Variants in SUMF1 observed in about 807,000 individuals in gnomAD.
SUMF1 encodes the protein sulfatase modifying factor 1.
In SUMF1, 48 loss-of-function variants were observed where a neutral mutation model predicts 47.6. That is an observed-to-expected ratio of 1.01 (90% CI 0.80 to 1.28). The LOEUF is 1.28. Among genes scored for constraint, SUMF1 ranks in the 50% most tolerant of loss-of-function variants. The pLI is 0.00. For missense variants in SUMF1, 571 were observed against 485.4 expected (o/e 1.18, Z -1.66); for synonymous variants, 230 against 192.1 (o/e 1.20, Z -1.63).
At chr3:4,430,931 T>C (rs1395688749) in intron 3 of SUMF1, among the ~76,000 whole-genome samples, 1 of 152,142 alleles carries the variant, frequency 6.6e-6, no homozygotes, top group Non-Finnish European at 1.5e-5. Context: ...AACTTGGGCA[T>C]CAACATTTTT....
intron 8 of SUMF1, chr3:4,316,518 G>T: frequency 1.9e-6 from 3 of 1,587,954 alleles, no homozygotes; most frequent in Non-Finnish European, 2.6e-6. Flanking sequence ...CCATTCTACG[G>T]TCGTTCGACA....
Position 4,151,556 on chromosome 3 carries a change from T to TACACACACACACACACAC in SUMF1, c.1015-82829_1015-82812dup, listed in dbSNP as rs35911373. Among the ~76,000 whole-genome samples the TACACACACACACACACAC allele has an allele frequency of 1.5e-4, 21 of 137,276 alleles. 1 individual carries two copies. Among genetic ancestry groups the TACACACACACACACACAC allele is most frequent in the African/African-American group, 4.8e-4 (17 of 35,454 alleles). The allele number at this position is 137,276 out of a possible 152,430, so 90.1% of individuals were successfully genotyped here. A position where few individuals can be genotyped will look rare whatever the true frequency, so the allele number is the denominator to read the frequency against. ...ATGTGTATATATATGTGTGTGTATA[T>TACACACACACACACACAC]ACACACACACACACACACACACACA... On this transcript the variant is annotated intron_variant and NMD_transcript_variant, in intron 8 of 12. Coordinates refer to the SUMF1 transcript ENST00000448413.
chr3:4,091,874 T>G (rs1692794285), intron 8 of SUMF1, among the ~76,000 whole-genome samples: 1 of 148,504 alleles, frequency 6.7e-6, no homozygotes, highest in Non-Finnish European at 1.5e-5. Flanking sequence ...ACTGTATTTC[T>G]GAGTGTGCAA....
intron 8 of SUMF1, among the ~76,000 whole-genome samples, chr3:4,228,589 T>C (rs887744956): frequency 2.0e-5 from 3 of 152,240 alleles, no homozygotes; most frequent in Middle Eastern, 3.4e-3. Context: ...AGGTCTGATG[T>C]ATGGGGAATT....
chr3:4,358,412 C>T (rs549799336), downstream of SUMF1, among the ~76,000 whole-genome samples: 3 of 152,286 alleles, frequency 2.0e-5, no homozygotes, highest in East Asian at 1.9e-4. Flanking sequence ...ACTGGCACAT[C>T]GACCAAACGG....
intron 8 of SUMF1, among the ~76,000 whole-genome samples, chr3:4,155,105 T>C (rs1694423319): frequency 1.3e-5 from 2 of 151,510 alleles, no homozygotes; most frequent in Admixed American, 6.6e-5. Flanking sequence ...GGACCTATCA[T>C]CTTGTTGAGA....
At chr3:4,237,587 C>A (rs74934935) in intron 8 of SUMF1, among the ~76,000 whole-genome samples, 4,759 of 152,082 alleles carry the variant, frequency 0.031, 237 homozygotes, top group African/African-American at 0.11. Flanking sequence ...ACTTATCATT[C>A]TCTTGACAGT....
At chr3:4,266,089 ATC>A (rs1376847333) in intron 8 of SUMF1, among the ~76,000 whole-genome samples, 1 of 152,032 alleles carries the variant, frequency 6.6e-6, no homozygotes, top group Admixed American at 6.5e-5. Context: ...ATTGATCTAG[ATC>A]TCTGTTTTGA....
chr3:4,058,865 T>G (rs544923124), intron 9 of SUMF1, among the ~76,000 whole-genome samples: 2 of 152,264 alleles, frequency 1.3e-5, no homozygotes, highest in Non-Finnish European at 2.9e-5. Flanking sequence ...TTAATAGCTT[T>G]TATAGTGCAT....
chr3:4,283,889 T>C (rs907295707), intron 8 of SUMF1, among the ~76,000 whole-genome samples: 8 of 152,162 alleles, frequency 5.3e-5, no homozygotes, highest in African/African-American at 1.9e-4. Context: ...TGTCTTCACA[T>C]GGTAGAAGAG....
At position 4,057,659 on chromosome 3, in the gene SUMF1, A is replaced by C. The variant is rs1205315532; in HGVS notation, c.1191+10910T>G. Among the ~76,000 whole-genome samples, 3 of 152,126 alleles carry C rather than the reference A, an allele frequency of 2.0e-5. 1 individual carries two copies. Among genetic ancestry groups the C allele is most frequent in the Non-Finnish European group, 4.4e-5 (3 of 68,016 alleles). ...ATTAAATTACATGGTATACTTAGCAAACTATAAAGAATCATGACGGGGAAG... is the reference window on the plus strand; with the variant it reads ...ATTAAATTACATGGTATACTTAGCACACTATAAAGAATCATGACGGGGAAG... On this transcript the variant is annotated intron_variant and NMD_transcript_variant, in intron 9 of 12. Transcript: ENST00000448413.
intron 8 of SUMF1, among the ~76,000 whole-genome samples, chr3:4,262,447 G>A (rs942124627): frequency 2.0e-5 from 3 of 152,064 alleles, no homozygotes; most frequent in African/African-American, 4.8e-5. Context: ...CAACAAAAAA[G>A]ACAATTATTG....
chr3:4,285,529 A>G (rs540700711), intron 8 of SUMF1, among the ~76,000 whole-genome samples: 1 of 152,308 alleles, frequency 6.6e-6, no homozygotes, highest in South Asian at 2.1e-4. Context: ...GAAATTTCCC[A>G]AACAAGATTA....
intron 8 of SUMF1, among the ~76,000 whole-genome samples, chr3:4,159,197 G>C (rs1574936849): frequency 6.6e-6 from 1 of 150,432 alleles, no homozygotes; most frequent in African/African-American, 2.5e-5. Flanking sequence ...CCGTTTGCTG[G>C]TTGTTTTGCA....
intron 8 of SUMF1, among the ~76,000 whole-genome samples, chr3:4,216,620 G>GA (rs1358910148): frequency 2.7e-5 from 4 of 150,102 alleles, no homozygotes; most frequent in Non-Finnish European, 6.0e-5. Context: ...CAGAATGGGA[G>GA]AAAAAAGGGC....
chr3:4,442,668 A>G (rs1256766919), intron 3 of SUMF1, among the ~76,000 whole-genome samples: 3 of 137,352 alleles, frequency 2.2e-5, no homozygotes, highest in Non-Finnish European at 4.9e-5. Flanking sequence ...AGAAAAAGGA[A>G]AGAGAAGTAG....
At chr3:4,418,451 A>G (rs1701789580) in intron 4 of SUMF1, among the ~76,000 whole-genome samples, 1 of 152,192 alleles carries the variant, frequency 6.6e-6, no homozygotes, top group African/African-American at 2.4e-5. Context: ...GGCCAGCAGG[A>G]GCTTTCAGCT....
chr3:4,237,876 A>G (rs1696444991), intron 8 of SUMF1, among the ~76,000 whole-genome samples: 1 of 152,102 alleles, frequency 6.6e-6, no homozygotes, highest in Admixed American at 6.6e-5. Flanking sequence ...GATTTGCTGC[A>G]CCCATCAACT....
chr3:4,126,108 T>C (rs1233351324), intron 8 of SUMF1, among the ~76,000 whole-genome samples: 1 of 151,766 alleles, frequency 6.6e-6, no homozygotes, highest in African/African-American at 2.4e-5. Context: ...AAAATCAGAA[T>C]TATATATAGA....
Sources: allele counts gnomAD v4.1 joint callset (sites outside exome capture counted in the v4.1 genomes callset), GRCh38; gene constraint gnomAD v4.1.1; transcripts MANE v1.5; gene names NCBI Gene and HGNC (gene_info 2026-07-23, HGNC 2026-07-21).